Variants in NRXN1 observed in about 807,000 individuals in gnomAD.
NRXN1 encodes the protein neurexin-1.
In NRXN1, 39 loss-of-function variants were observed where a neutral mutation model predicts 150.9. The observed-to-expected ratio is 0.26, with a 90% CI of 0.20 to 0.34. The LOEUF (loss-of-function observed/expected upper bound fraction) is 0.34. Ranked by LOEUF, NRXN1 falls within the 10% of genes least tolerant of loss-of-function variation. The pLI, the probability that NRXN1 is intolerant of heterozygous loss-of-function variation, is 1.00. For missense variants in NRXN1, 1,815 were observed against 1,949.9 expected, an observed-to-expected ratio of 0.93 and a Z score of 1.30; for synonymous variants, 924 against 757.0, an observed-to-expected ratio of 1.22 and a Z score of -3.62.
At chr2:50,898,805 T>C (rs897518187) in intron 5 of NRXN1, among the ~76,000 whole-genome samples, 37 of 151,702 alleles carry the variant, frequency 2.4e-4, no homozygotes, top group African/African-American at 8.5e-4. Context: ...AAAGAGTAAA[T>C]TATTTAGTTG....
At chr2:50,595,637 G>A (rs1395023068) in intron 8 of NRXN1, among the ~76,000 whole-genome samples, 1 of 152,140 alleles carries the variant, frequency 6.6e-6, no homozygotes, top group Non-Finnish European at 1.5e-5. Flanking sequence ...TCAAAGACAA[G>A]TACCCAGGAA....
chr2:50,263,157 TAC>T (rs58442373), intron 17 of NRXN1, among the ~76,000 whole-genome samples: 8,149 of 147,216 alleles, frequency 0.055, 218 homozygotes, highest in Middle Eastern at 0.074. Flanking sequence ...AAAACACACA[TAC>T]ACACACACAC....
At chr2:50,259,086 C>T (rs2067996764) in intron 17 of NRXN1, among the ~76,000 whole-genome samples, 1 of 151,914 alleles carries the variant, frequency 6.6e-6, no homozygotes, top group Admixed American at 6.6e-5. Flanking sequence ...CTTAAATTCA[C>T]CAGCTGCATT....
chr2:50,513,578 G>T (rs1423869249), intron 12 of NRXN1, among the ~76,000 whole-genome samples: 2 of 152,150 alleles, frequency 1.3e-5, no homozygotes, highest in East Asian at 3.9e-4. Flanking sequence ...GTTAAAATAA[G>T]ATGTACATGA....
chr2:50,620,197 C>T lies in NRXN1; in HGVS notation c.1159-14G>A, dbSNP rs759479911. 2 of 1,612,710 alleles carry T rather than the reference C, an allele frequency of 1.2e-6. No homozygotes were observed. The highest frequency in any genetic ancestry group is 1.7e-6 in the Non-Finnish European group (2 of 1,179,232). ...TGATATTGTCACCTAGATAACAAAGCACAGGGAAAGGACACGCTATACTCA... is the reference window on the plus strand; with the variant it reads ...TGATATTGTCACCTAGATAACAAAGTACAGGGAAAGGACACGCTATACTCA... On this transcript the variant is annotated splice_polypyrimidine_tract_variant and intron_variant, in intron 7 of 22. Coordinates refer to ENST00000401669, the MANE Select transcript of NRXN1 (RefSeq NM_001330078.2).
chr2:50,307,153 T>C (rs1337417197), intron 17 of NRXN1, among the ~76,000 whole-genome samples: 1 of 151,992 alleles, frequency 6.6e-6, no homozygotes, highest in Non-Finnish European at 1.5e-5. Flanking sequence ...CCCAGCTAAT[T>C]TTTGTATTTT....
At chr2:50,499,879 C>G (rs1014988499) in intron 13 of NRXN1, among the ~76,000 whole-genome samples, 2 of 142,488 alleles carry the variant, frequency 1.4e-5, no homozygotes, top group African/African-American at 5.4e-5. Context: ...ACCTGGGAGG[C>G]GGAGGTTGCA....
At chr2:50,949,454 A>G (rs999023048) in intron 2 of NRXN1, among the ~76,000 whole-genome samples, 5 of 152,062 alleles carry the variant, frequency 3.3e-5, no homozygotes, top group African/African-American at 1.2e-4. Context: ...AAATATTATT[A>G]ATAAAGTTAA....
At chr2:50,914,395 C>T (rs1041747018) in intron 5 of NRXN1, among the ~76,000 whole-genome samples, 4 of 151,670 alleles carry the variant, frequency 2.6e-5, no homozygotes, top group Non-Finnish European at 4.4e-5. Context: ...TTCCTGAAAA[C>T]GTCGCAATGA....
At chr2:50,743,824 TAAAG>T (rs1161296428) in intron 5 of NRXN1, among the ~76,000 whole-genome samples, 1 of 152,288 alleles carries the variant, frequency 6.6e-6, no homozygotes, top group Non-Finnish European at 1.5e-5. Flanking sequence ...ATTTATTCAA[TAAAG>T]AAAGAATTTG....
At chr2:50,668,968 A>G (rs1688452044) in intron 5 of NRXN1, among the ~76,000 whole-genome samples, 1 of 151,926 alleles carries the variant, frequency 6.6e-6, no homozygotes, top group Non-Finnish European at 1.5e-5. Context: ...ATCGCTGAGG[A>G]TGGTGCTGGT....
At chr2:50,779,335 T>C (rs1280406573) in intron 5 of NRXN1, among the ~76,000 whole-genome samples, 1 of 152,312 alleles carries the variant, frequency 6.6e-6, no homozygotes, top group East Asian at 1.9e-4. Flanking sequence ...TCCATGTCCC[T>C]GCAAAATACA....
At chr2:50,693,844 T>C (rs1442590696) in intron 5 of NRXN1, among the ~76,000 whole-genome samples, 1 of 152,222 alleles carries the variant, frequency 6.6e-6, no homozygotes, top group African/African-American at 2.4e-5. Flanking sequence ...CAGGCTGAAG[T>C]GCAGTGGTGC....
At chr2:50,289,320 A>G (rs772045567) in intron 17 of NRXN1, among the ~76,000 whole-genome samples, 1 of 152,154 alleles carries the variant, frequency 6.6e-6, no homozygotes. Context: ...CCTTCTCACA[A>G]TGCAAATGAG....
At chr2:50,924,963 G>A (rs1686640153) in intron 3 of NRXN1, among the ~76,000 whole-genome samples, 1 of 151,656 alleles carries the variant, frequency 6.6e-6, no homozygotes, top group African/African-American at 2.4e-5. Context: ...CTATGGAAAT[G>A]TACATTTACA....
At chr2:50,514,303 A>C (rs944925368) in intron 12 of NRXN1, among the ~76,000 whole-genome samples, 2 of 152,146 alleles carry the variant, frequency 1.3e-5, no homozygotes, top group African/African-American at 4.8e-5. Context: ...GACCTACAGC[A>C]CCTGGTAATT....
chr2:50,686,735 G>T (rs577099101), intron 5 of NRXN1, among the ~76,000 whole-genome samples: 1 of 152,272 alleles, frequency 6.6e-6, no homozygotes, highest in Non-Finnish European at 1.5e-5. Flanking sequence ...AGCGTTAAAG[G>T]TAACGGGTAG....
chr2:49,993,271 T>A (rs934455050), intron 21 of NRXN1, among the ~76,000 whole-genome samples: 1 of 151,882 alleles, frequency 6.6e-6, no homozygotes, highest in Non-Finnish European at 1.5e-5. Context: ...CATGAAGGAA[T>A]CTTAAATGCA....
At chr2:50,610,208 T>A (rs1677804708) in intron 8 of NRXN1, among the ~76,000 whole-genome samples, 1 of 152,170 alleles carries the variant, frequency 6.6e-6, no homozygotes, top group Admixed American at 6.6e-5. Flanking sequence ...TTCAGATTTT[T>A]AAAAAATATG....
Sources: gnomAD v4.1 joint callset for allele counts (sites outside exome capture counted in the v4.1 genomes callset) on GRCh38, gnomAD v4.1.1 for gene constraint, MANE v1.5 for transcripts, NCBI Gene and HGNC (gene_info 2026-07-23, HGNC 2026-07-21) for gene names.